The following HSP90AA1 variants were observed in gnomAD, a reference collection of about 807,000 sequenced individuals.
HSP90AA1 encodes heat shock protein HSP 90-alpha.
A neutral mutation model predicts 73.3 loss-of-function variants in HSP90AA1; 18 were observed. The ratio of observed to expected loss-of-function variants is 0.25; its 90% CI spans 0.17 to 0.36. The LOEUF (loss-of-function observed/expected upper bound fraction) is 0.36, where lower values mean the gene tolerates loss of function less well. Ranked by LOEUF, HSP90AA1 falls within the 10% of genes least tolerant of loss-of-function variation. The pLI is 1.00. For synonymous variants in HSP90AA1, 477 were observed against 296.9 expected, an observed-to-expected ratio of 1.61 and a Z score of -6.24; for missense variants, 704 against 874.2, an observed-to-expected ratio of 0.81 and a Z score of 2.45.
chr14:102,112,557 T>C (rs2049655377), intron 1 of HSP90AA1, among the ~76,000 whole-genome samples: 1 of 152,084 alleles, frequency 6.6e-6, no homozygotes, highest in Admixed American at 6.6e-5. Flanking sequence ...TAGTTCACTG[T>C]AATCTTGAAC....
At chr14:102,085,523 G>C (rs2049207136) in intron 3 of HSP90AA1, 92 bp from the exon 4 acceptor site, 7 of 1,368,576 alleles carry the variant, frequency 5.1e-6, no homozygotes, top group Admixed American at 3.6e-5. Flanking sequence ...ATAAAGCAAG[G>C]TTTGCCGTTA....
At chr14:102,085,627 G>T in intron 3 of HSP90AA1, 131 bp downstream of exon 3, 1 of 1,405,008 alleles carries the variant, frequency 7.1e-7, no homozygotes, top group South Asian at 1.2e-5. Flanking sequence ...CACTAATTAA[G>T]TGCTCTAGCT....
At position 102,084,788 on chromosome 14, in the gene HSP90AA1, T is replaced by C. The variant is rs2049182911; in HGVS notation, c.874A>G (p.Lys292Glu). ...EKYIDQEELN[K>E]TKPIWTRNPD... ...TTTCTGGTCCAGATGGGCTTTGTTT[T>C]GTTGAGCTCTTCTTGATCGATGTAC... Residue 292 changes from lysine (K) to glutamate (E), a missense_variant, in exon 5 of 11, where the codon AAA (lysine) becomes GAA (glutamate). Coordinates refer to ENST00000216281, the MANE Select transcript of HSP90AA1 (RefSeq NM_005348.4). 1 of 1,614,004 alleles carries C rather than the reference T, an allele frequency of 6.2e-7. No homozygotes were observed. Among genetic ancestry groups the C allele is most frequent in the South Asian group, 1.1e-5 (1 of 91,086 alleles).
rs746073649 is a variant in HSP90AA1, at chr14:102,082,469, G to T, written c.1756-25C>A. 5 of 1,565,638 alleles carry T rather than the reference G, an allele frequency of 3.2e-6. No homozygotes were observed. In the East Asian group the frequency reaches 1.1e-4, roughly 35 times the overall value. On this transcript the variant is annotated intron_variant, in intron 9 of 10. Coordinates refer to ENST00000216281, the MANE Select transcript of HSP90AA1 (RefSeq NM_005348.4). The stretch of plus-strand genomic sequence containing the variant: ...CCTGTAATCAAAAAGTGATGACTAG[G>T]AACCTAGAAAGATTAATTCCTAAAC...
Position 102,084,883 on chromosome 14 carries a change from T to G in HSP90AA1, c.779A>C (p.Asp260Ala), listed in dbSNP as rs1176905876. Residue 260 changes from aspartate (D) to alanine (A), a missense_variant, in exon 5 of 11, where the codon GAT (aspartate) becomes GCT (alanine). Physicochemically the swap from Asp to Ala is moderately radical, Grantham distance 126 (BLOSUM62 -2). Transcript: ENST00000216281. ...KESEDKPEIEDVGSDEEEEKK... is the reference protein window; with the variant it reads ...KESEDKPEIEAVGSDEEEEKK... ...TTCTTCTTCCTCATCAGAACCAACA[T>G]CTTCAATTTCAGGTTTGTCTTCCGA... 1 of 1,554,278 alleles carries G rather than the reference T, an allele frequency of 6.4e-7. No individual in the cohort carries two copies. The highest frequency in any genetic ancestry group is 1.1e-5 in the South Asian group (1 of 89,806).
intron 1 of HSP90AA1, among the ~76,000 whole-genome samples, chr14:102,123,731 G>T (rs558415202): frequency 9.9e-5 from 15 of 151,990 alleles, no homozygotes; most frequent in African/African-American, 3.4e-4. Context: ...CATCTCAGGG[G>T]GCACCATTCA....
chr14:102,086,552 C>G (rs964523951), intron 1 of HSP90AA1, among the ~76,000 whole-genome samples, 174 bp from the exon 2 acceptor site: 1 of 152,116 alleles, frequency 6.6e-6, no homozygotes, highest in Non-Finnish European at 1.5e-5. Flanking sequence ...AGCGCGGCAA[C>G]TACCACGAGC....
chr14:102,087,374 T>G (rs1385481121), upstream of HSP90AA1, among the ~76,000 whole-genome samples: 1 of 151,324 alleles, frequency 6.6e-6, no homozygotes, highest in Non-Finnish European at 1.5e-5. Flanking sequence ...CCCTCCGCCC[T>G]GCACCCCCAC....
At chr14:102,119,391 T>A (rs886460118) in intron 1 of HSP90AA1, among the ~76,000 whole-genome samples, 3 of 152,194 alleles carry the variant, frequency 2.0e-5, no homozygotes, top group African/African-American at 7.2e-5. Flanking sequence ...CATAAAGATC[T>A]AGCACAGTTC....
At chr14:102,131,762 C>G (rs989422164) in intron 1 of HSP90AA1, among the ~76,000 whole-genome samples, 4 of 152,202 alleles carry the variant, frequency 2.6e-5, no homozygotes, top group Non-Finnish European at 5.9e-5. Context: ...CTTACCCTGA[C>G]CTACTTCTTC....
chr14:102,111,011 C>T (rs1006976042), intron 1 of HSP90AA1, among the ~76,000 whole-genome samples: 2 of 152,158 alleles, frequency 1.3e-5, no homozygotes, highest in Non-Finnish European at 2.9e-5. Flanking sequence ...AGCCACTGCA[C>T]CCAGCCAAAG....
chr14:102,090,798 C>T (rs2049347217), upstream of HSP90AA1, among the ~76,000 whole-genome samples: 1 of 152,200 alleles, frequency 6.6e-6, no homozygotes, highest in East Asian at 1.9e-4. Context: ...GATTTAGCAT[C>T]CTAAATATTT....
Position 102,081,407 on chromosome 14 carries a change from C to T in HSP90AA1, c.*305G>A, listed in dbSNP as rs531569646. 5.6e-5 allele frequency: 26 copies of T among 464,912 alleles called. No individual in the cohort carries two copies. The Admixed American group carries it at 8.8e-4, about 16-fold the overall frequency. The allele number at this position is 464,912 out of a possible 1,614,324, so 28.8% of individuals were successfully genotyped here. A position where few individuals can be genotyped will look rare whatever the true frequency, so the allele number is the denominator to read the frequency against. ...ACAAGATTTGGTCTACTTAGGCATC[C>T]GGCTTGACAGCTAAACACTTTAGAC... On this transcript the variant is annotated 3_prime_UTR_variant, in exon 11 of 11. Transcript: ENST00000216281.
intron 2 of HSP90AA1, among the ~76,000 whole-genome samples, chr14:102,100,858 T>G (rs2049483671): frequency 6.6e-6 from 1 of 152,244 alleles, no homozygotes; most frequent in Admixed American, 6.5e-5. Flanking sequence ...TACTTCAATT[T>G]CCTCATCTGT....
rs74392359 is a variant in HSP90AA1, at chr14:102,095,372, C to T, written c.366+6503G>A. On this transcript the variant is annotated intron_variant, in intron 2 of 11. Coordinates refer to the HSP90AA1 transcript ENST00000334701. ...GAGGGGTGGCGGGACTCTTTCTTCC[C>T]TATCACCCCTCACCTGCAGGCCTCC... 1.7e-3 allele frequency among the ~76,000 whole-genome samples: 265 copies of T among 152,172 alleles called. 3 individuals carry two copies. The East Asian group carries it at 0.022, about 12-fold the overall frequency.
chr14:102,082,245 G>A lies in HSP90AA1; in HGVS notation c.1955C>T (p.Ala652Val), dbSNP rs751002513. ...CTTCACAGACTTGTCGTTCTTATCA[G>A]CCTCTGCCTTTTGCCTTAAGGTCTC... ...IIETLRQKAE[A>V]DKNDKSVKDL... Residue 652 changes from alanine (A) to valine (V), a missense_variant, in exon 10 of 11, where the codon GCT becomes GTT. Ala to Val is a moderately conservative substitution (Grantham distance 64). Coordinates refer to ENST00000216281, the MANE Select transcript of HSP90AA1 (RefSeq NM_005348.4). 9 of 1,613,762 alleles carry A rather than the reference G, an allele frequency of 5.6e-6. No individual in the cohort carries two copies. Among genetic ancestry groups the A allele is most frequent in the Non-Finnish European group, 6.8e-6 (8 of 1,179,808 alleles).
At chr14:102,102,857 A>G (rs2049512465) in intron 1 of HSP90AA1, among the ~76,000 whole-genome samples, 1 of 151,898 alleles carries the variant, frequency 6.6e-6, no homozygotes. Flanking sequence ...GCAACATAGT[A>G]AGACCCCCCA....
upstream of HSP90AA1, among the ~76,000 whole-genome samples, chr14:102,091,133 T>G (rs2049352644): frequency 6.6e-6 from 1 of 152,202 alleles, no homozygotes; most frequent in Non-Finnish European, 1.5e-5. Context: ...CCTCACTTGC[T>G]TGCCAGGCAG....
intron 1 of HSP90AA1, among the ~76,000 whole-genome samples, chr14:102,122,569 C>G (rs2049791612): frequency 6.6e-6 from 1 of 152,130 alleles, no homozygotes; most frequent in African/African-American, 2.4e-5. Context: ...GCGTGAGCCA[C>G]TGTGCCCAGC....
Sources: gnomAD v4.1 joint callset for allele counts (sites outside exome capture counted in the v4.1 genomes callset) on GRCh38, gnomAD v4.1.1 for gene constraint, MANE v1.5 for transcripts, NCBI Gene and HGNC (gene_info 2026-07-23, HGNC 2026-07-21) for gene names.